Variants in DGLUCY observed in about 807,000 individuals in gnomAD.
DGLUCY encodes the protein D-glutamate cyclase, also known as D-glutamate cyclase, mitochondrial.
A neutral mutation model predicts 58.5 loss-of-function variants in DGLUCY; 58 were observed. The observed-to-expected ratio is 0.99, with a 90% CI of 0.80 to 1.23. The LOEUF (loss-of-function observed/expected upper bound fraction) is 1.23, where lower values mean the gene tolerates loss of function less well. DGLUCY is among the 50% of genes most tolerant of loss of function. DGLUCY has a pLI of 0.00. For missense variants in DGLUCY, 779 were observed against 784.7 expected (o/e 0.99, Z 0.09); for synonymous variants, 325 against 314.1 (o/e 1.03, Z -0.37).
chr14:91,144,291 G>A (rs1219370923), intron 1 of DGLUCY, among the ~76,000 whole-genome samples: 2 of 152,196 alleles, frequency 1.3e-5, no homozygotes, highest in Admixed American at 1.3e-4. Context: ...GAAGAGCAGG[G>A]CTGGGCACAG....
intron 1 of DGLUCY, among the ~76,000 whole-genome samples, chr14:91,108,485 ATTTGTGTGTGTGTGTG>A (rs2044629395): frequency 1.6e-5 from 1 of 61,972 alleles, no homozygotes; most frequent in Non-Finnish European, 3.3e-5. Flanking sequence ...CCCTTGAAGA[ATTTGTGTGTGTGTGTG>A]TGTGTGTGTG....
intron 1 of DGLUCY, among the ~76,000 whole-genome samples, chr14:91,151,011 T>A (rs2047306915): frequency 6.6e-6 from 1 of 152,204 alleles, no homozygotes. Flanking sequence ...CATTCAGCTT[T>A]CCATGTCTGT....
chr14:91,097,660 G>A (rs2044417177), intron 1 of DGLUCY, among the ~76,000 whole-genome samples: 1 of 150,296 alleles, frequency 6.7e-6, no homozygotes, highest in East Asian at 1.9e-4. Flanking sequence ...TGGCGATCAA[G>A]GACCCCCTCC....
At chr14:91,222,323 A>G (rs1050106031) in intron 13 of DGLUCY, among the ~76,000 whole-genome samples, 24 of 152,198 alleles carry the variant, frequency 1.6e-4, no homozygotes, top group Non-Finnish European at 3.2e-4. Flanking sequence ...AGGACCCCAC[A>G]GCCCTTCCTG....
At chr14:91,183,062 G>A (rs1358074774) in intron 8 of DGLUCY, among the ~76,000 whole-genome samples, 1 of 151,344 alleles carries the variant, frequency 6.6e-6, no homozygotes, top group African/African-American at 2.4e-5. Flanking sequence ...TGCGATCTTG[G>A]CTCACTGTAA....
upstream of DGLUCY, among the ~76,000 whole-genome samples, chr14:91,113,839 T>A (rs969314983): frequency 3.3e-5 from 5 of 152,218 alleles, no homozygotes; most frequent in Non-Finnish European, 7.3e-5. Flanking sequence ...CAAAAATCCT[T>A]AGTGCCCAGG....
chr14:91,130,042 AT>A (rs1244806418), intron 1 of DGLUCY, among the ~76,000 whole-genome samples: 1 of 152,144 alleles, frequency 6.6e-6, no homozygotes, highest in African/African-American at 2.4e-5. Flanking sequence ...ATTTTCCCAC[AT>A]TGCATGTACT....
chr14:91,095,799 C>T (rs573522598), intron 1 of DGLUCY, among the ~76,000 whole-genome samples: 2 of 152,096 alleles, frequency 1.3e-5, no homozygotes, highest in East Asian at 1.9e-4. Flanking sequence ...CCCAGCTTTC[C>T]GTCTGGGCCC....
At chr14:91,136,173 T>G (rs2046328245) in intron 1 of DGLUCY, among the ~76,000 whole-genome samples, 1 of 151,766 alleles carries the variant, frequency 6.6e-6, no homozygotes, top group South Asian at 2.1e-4. Context: ...GACCTCGTGA[T>G]CCACCTGCCT....
chr14:91,147,394 G>A lies in DGLUCY; in HGVS notation c.-81-10245G>A, dbSNP rs1002476573. Among the ~76,000 whole-genome samples, 5 of 152,142 alleles carry A rather than the reference G, an allele frequency of 3.3e-5. No homozygotes were observed. In the South Asian group the frequency reaches 1.0e-3, roughly 32 times the overall value. On this transcript the variant is annotated intron_variant, in intron 1 of 13. Transcript: ENST00000256324. ...AGGGCATAACCACGTCTGATATGGT[G>A]GTTTTCAGTTTGTGAAGCCACAGGC...
chr14:91,189,548 A>G (rs560158827), intron 9 of DGLUCY, among the ~76,000 whole-genome samples: 1 of 152,330 alleles, frequency 6.6e-6, no homozygotes, highest in Non-Finnish European at 1.5e-5. Context: ...AGGCTCAGAC[A>G]GCAGTCCCAC....
chr14:91,202,306 C>T (rs78917738), intron 11 of DGLUCY, among the ~76,000 whole-genome samples: 3,994 of 152,046 alleles, frequency 0.026, 101 homozygotes, highest in African/African-American at 0.056. Flanking sequence ...TTATGAATTG[C>T]GGAAAGGCTT....
chr14:91,130,230 A>G (rs1006573245), intron 1 of DGLUCY, among the ~76,000 whole-genome samples: 8 of 151,928 alleles, frequency 5.3e-5, no homozygotes, highest in Non-Finnish European at 2.9e-5. Context: ...CAACCCCACA[A>G]GTGTGGCCTG....
intron 1 of DGLUCY, among the ~76,000 whole-genome samples, chr14:91,122,638 T>C (rs533013140): frequency 1.5e-3 from 172 of 117,844 alleles, no homozygotes; most frequent in African/African-American, 5.2e-3. Flanking sequence ...AGTCTCACTC[T>C]GTCGCCCAGA....
intron 1 of DGLUCY, among the ~76,000 whole-genome samples, chr14:91,135,281 A>G (rs1008864766): frequency 1.3e-5 from 2 of 152,100 alleles, no homozygotes; most frequent in African/African-American, 4.8e-5. Context: ...AGGCTGGTAT[A>G]ATATGATGGT....
intron 1 of DGLUCY, among the ~76,000 whole-genome samples, chr14:91,117,329 A>G (rs1162418101): frequency 6.6e-6 from 1 of 151,998 alleles, no homozygotes; most frequent in Non-Finnish European, 1.5e-5. Flanking sequence ...TCTTGTGCCT[A>G]CCTCCTATCT....
At chr14:91,184,698 C>G (rs1488944171) in intron 8 of DGLUCY, among the ~76,000 whole-genome samples, 1 of 150,330 alleles carries the variant, frequency 6.7e-6, no homozygotes, top group African/African-American at 2.5e-5. Flanking sequence ...ATGTCTGATT[C>G]TCTCCCCTGG....
At chr14:91,126,282 C>G (rs1445810812) in intron 1 of DGLUCY, 1 of 152,810 alleles carries the variant, frequency 6.5e-6, no homozygotes, top group Non-Finnish European at 1.5e-5. Flanking sequence ...TTCCTTGCCT[C>G]TTGCAGCTTC....
chr14:91,156,462 A>C (rs2047627931), intron 1 of DGLUCY, among the ~76,000 whole-genome samples: 1 of 152,168 alleles, frequency 6.6e-6, no homozygotes, highest in East Asian at 1.9e-4. Flanking sequence ...GTACTCAGTC[A>C]CTGTTTGAGC....
Sources: allele counts gnomAD v4.1 joint callset (sites outside exome capture counted in the v4.1 genomes callset), GRCh38; gene constraint gnomAD v4.1.1; transcripts MANE v1.5; gene names NCBI Gene and HGNC (gene_info 2026-07-23, HGNC 2026-07-21).